Variants in MYO16 observed in about 807,000 individuals in gnomAD.
The protein encoded by MYO16 is unconventional myosin-XVI.
MYO16 carries 94 observed loss-of-function variants against 205.3 expected under a neutral mutation model. The ratio of observed to expected loss-of-function variants is 0.46; its 90% CI spans 0.39 to 0.54. The LOEUF (loss-of-function observed/expected upper bound fraction) is 0.54. MYO16 is among the 20% of genes least tolerant of loss of function. The probability of loss-of-function intolerance (pLI) is 0.00; values close to 1 mark genes in which losing one functional copy is unlikely to be tolerated. For missense variants in MYO16, 2,315 were observed against 2,387.5 expected (o/e 0.97, Z 0.63); for synonymous variants, 988 against 954.0 (o/e 1.04, Z -0.66).
rs1305292622 is a variant in MYO16, at chr13:109,140,890, C to T, written c.4678C>T (p.Leu1560=). ...YPVQPEGSSP[L]SPQYSKSQKG... is the part of the protein sequence containing the mutation. ...CGTGCAGCCGGAGGGGTCGAGCCCG[C>T]TGTCCCCGCAGTACTCCAAGAGCCA... The change falls in exon 32 of 35, where the codon CTG becomes TTG. Residue 1560 remains leucine (L), a synonymous_variant. Transcript: ENST00000457511. The surrounding 1 kb of genome is among the most constrained non-coding windows in gnomAD (Gnocchi z 8.0). 1.3e-6 allele frequency: 2 copies of T among 1,593,720 alleles called. No individual in the cohort carries two copies. The highest frequency in any genetic ancestry group is 1.7e-6 in the Non-Finnish European group (2 of 1,171,812).
rs769707695 is a variant in MYO16, at chr13:109,019,852, G to A, written c.2737G>A (p.Gly913Arg). ...AVYSPMKDGN[G>R]NVALKDHGTA... ...GTACTCCCCCATGAAGGATGGGAAT[G>A]GGAATGTTGCCCTCAAAGACCACGG... The change falls in exon 23 of 35, where the codon GGG becomes AGG. Residue 913 changes from glycine to arginine, a missense_variant. Physicochemically the swap from Gly to Arg is moderately radical, Grantham distance 125. This residue lies in a region of MYO16 where 1,213 missense variants were observed against 1,274.4 expected (regional missense o/e 0.95). Coordinates refer to ENST00000457511, the MANE Select transcript of MYO16 (RefSeq NM_001198950.3). 88 of 1,614,026 alleles carry A rather than the reference G, an allele frequency of 5.5e-5. 1 individual carries two copies. The highest frequency in any genetic ancestry group is 7.3e-5 in the Non-Finnish European group (86 of 1,180,022).
chr13:109,140,707 G>A lies in MYO16; in HGVS notation c.4495G>A (p.Asp1499Asn). Residue 1499 changes from aspartate to asparagine, a missense_variant, in exon 32 of 35, where the codon GAC (aspartate) becomes AAC (asparagine). Coordinates refer to ENST00000457511, the MANE Select transcript of MYO16 (RefSeq NM_001198950.3). The surrounding 1 kb of genome is among the most constrained non-coding windows in gnomAD (Gnocchi z 8.0). ...EAAGPPGDAC[D>N]IPPPFPNLLP... Reference sequence around the variant, plus strand: ...GGCGGGGCCCCCAGGGGACGCGTGCGACATCCCGCCGCCCTTCCCCAACCT... The same window carrying A: ...GGCGGGGCCCCCAGGGGACGCGTGCAACATCCCGCCGCCCTTCCCCAACCT... 2 of 1,488,578 alleles carry A rather than the reference G, an allele frequency of 1.3e-6. No homozygotes were observed. The highest frequency in any genetic ancestry group is 2.3e-5 in the Admixed American group (1 of 43,514). 92.2% of individuals were successfully genotyped at this position (1,488,578 alleles called of 1,614,324 possible).
intron 1 of MYO16, among the ~76,000 whole-genome samples, chr13:108,662,654 G>A (rs1881556219): frequency 6.6e-6 from 1 of 152,144 alleles, no homozygotes; most frequent in African/African-American, 2.4e-5. Context: ...TCTGTTCCCA[G>A]GTGGAGGGCA....
chr13:108,621,830 G>A (rs1879554068), intron 1 of MYO16, among the ~76,000 whole-genome samples: 1 of 152,182 alleles, frequency 6.6e-6, no homozygotes, highest in African/African-American at 2.4e-5. Context: ...GACAATGAGA[G>A]ACAGCACATT....
chr13:108,510,186 G>A, the MYO16 span, among the ~76,000 whole-genome samples: 1 of 151,896 alleles, frequency 6.6e-6, no homozygotes, highest in African/African-American at 2.4e-5. Context: ...GCGCTATCTC[G>A]GCTCACTGCA....
chr13:108,503,895 A>G, the MYO16 span, among the ~76,000 whole-genome samples: 5 of 152,302 alleles, frequency 3.3e-5, no homozygotes, highest in South Asian at 1.0e-3. Context: ...TTGCTTATCT[A>G]TAACATTAGG....
At chr13:108,981,181 G>A (rs1211283159) in intron 20 of MYO16, among the ~76,000 whole-genome samples, 3 of 152,130 alleles carry the variant, frequency 2.0e-5, no homozygotes, top group Non-Finnish European at 2.9e-5. Context: ...GACATGCCCC[G>A]CAGGCGAGGT....
chr13:109,077,714 T>C (rs997872381), intron 27 of MYO16, among the ~76,000 whole-genome samples: 8 of 152,348 alleles, frequency 5.3e-5, no homozygotes, highest in Admixed American at 2.0e-4. Context: ...TATTTCCATA[T>C]GCTTTTAAGA....
chr13:108,964,126 A>G (rs1224744204), intron 19 of MYO16, among the ~76,000 whole-genome samples: 1 of 152,196 alleles, frequency 6.6e-6, no homozygotes, highest in Non-Finnish European at 1.5e-5. Context: ...TAGAATATGA[A>G]TTCTAGGCTC....
At chr13:108,809,357 C>T (rs1301742976) in intron 7 of MYO16, among the ~76,000 whole-genome samples, 1 of 152,112 alleles carries the variant, frequency 6.6e-6, no homozygotes, top group South Asian at 2.1e-4. Context: ...GCAGTTTTTG[C>T]ATTGTTATAA....
At chr13:108,936,973 G>T (rs2139305066) in intron 16 of MYO16, among the ~76,000 whole-genome samples, 1 of 152,072 alleles carries the variant, frequency 6.6e-6, no homozygotes, top group African/African-American at 2.4e-5. Context: ...TGTTTTTTTG[G>T]TATCAGGTAT....
intron 5 of MYO16, among the ~76,000 whole-genome samples, chr13:108,787,154 G>A (rs141523843): frequency 2.0e-3 from 303 of 152,264 alleles, no homozygotes; most frequent in Middle Eastern, 0.01. Flanking sequence ...CCAAATAATA[G>A]TAAAAATAAC....
chr13:108,641,153 G>A (rs12869944), intron 1 of MYO16, among the ~76,000 whole-genome samples: 56,307 of 151,982 alleles, frequency 0.37, 10,873 homozygotes, highest in African/African-American at 0.49. Context: ...GACGCTTCTC[G>A]ATACTTTAAA....
intron 1 of MYO16, among the ~76,000 whole-genome samples, chr13:108,640,422 G>T (rs967863931): frequency 6.6e-6 from 1 of 152,138 alleles, no homozygotes; most frequent in African/African-American, 2.4e-5. Context: ...GGAATGAAGA[G>T]TACAGAACAC....
At chr13:108,901,769 G>A (rs1003309164) in intron 15 of MYO16, among the ~76,000 whole-genome samples, 3 of 152,044 alleles carry the variant, frequency 2.0e-5, no homozygotes, top group African/African-American at 7.2e-5. Context: ...TTTGGTGATC[G>A]TTTTTTATGT....
chr13:108,887,860 A>C (rs1294417296), intron 13 of MYO16, among the ~76,000 whole-genome samples: 1 of 152,132 alleles, frequency 6.6e-6, no homozygotes, highest in African/African-American at 2.4e-5. Flanking sequence ...TTTTCCACAG[A>C]AGAGGTAACG....
At chr13:108,577,359 A>G in the MYO16 span, among the ~76,000 whole-genome samples, 8 of 152,346 alleles carry the variant, frequency 5.3e-5, no homozygotes, top group South Asian at 1.7e-3. Context: ...ATATAGGATG[A>G]GGATAATGAG....
chr13:108,796,424 C>T (rs956473248), intron 6 of MYO16, among the ~76,000 whole-genome samples: 50 of 152,204 alleles, frequency 3.3e-4, no homozygotes, highest in African/African-American at 1.1e-3. Context: ...TGGGTGTATA[C>T]CCAAAGGATT....
intron 27 of MYO16, among the ~76,000 whole-genome samples, chr13:109,089,904 G>A (rs1349551739): frequency 6.6e-6 from 1 of 152,172 alleles, no homozygotes; most frequent in African/African-American, 2.4e-5. Flanking sequence ...TAGAATTTAG[G>A]GAAGTCCCTT....
Sources: allele counts gnomAD v4.1 joint callset (sites outside exome capture counted in the v4.1 genomes callset), GRCh38; gene constraint gnomAD v4.1.1; regional missense constraint gnomAD v4.1.1; non-coding constraint Gnocchi (gnomAD v3.1); transcripts MANE v1.5; gene names NCBI Gene and HGNC (gene_info 2026-07-23, HGNC 2026-07-21).